SMYD3: variants seen among roughly 807,000 people sequenced by gnomAD.
SMYD3 encodes histone-lysine N-methyltransferase SMYD3.
SMYD3 carries 36 observed loss-of-function variants against 57.7 expected under a neutral mutation model. That is an observed-to-expected ratio of 0.62 (90% CI 0.48 to 0.82). The LOEUF (loss-of-function observed/expected upper bound fraction) is 0.82. SMYD3 is among the 40% of genes least tolerant of loss of function. The pLI, the probability that SMYD3 is intolerant of heterozygous loss-of-function variation, is 0.00. For missense variants in SMYD3, 515 were observed against 538.8 expected, an observed-to-expected ratio of 0.96 and a Z score of 0.44; for synonymous variants, 211 against 195.0, an observed-to-expected ratio of 1.08 and a Z score of -0.68.
At chr1:246,233,760 C>G (rs1307896560) in intron 5 of SMYD3, among the ~76,000 whole-genome samples, 1 of 115,346 alleles carries the variant, frequency 8.7e-6, no homozygotes. Flanking sequence ...TGAACATATA[C>G]CACGCAGAGG....
At chr1:246,368,106 A>C (rs1201850629) in intron 1 of SMYD3, among the ~76,000 whole-genome samples, 1 of 152,240 alleles carries the variant, frequency 6.6e-6, no homozygotes, top group African/African-American at 2.4e-5. Context: ...AAATGTAAAA[A>C]GAAAATAAAA....
chr1:246,291,604 A>C (rs1221354346), intron 5 of SMYD3, among the ~76,000 whole-genome samples: 1 of 152,236 alleles, frequency 6.6e-6, no homozygotes, highest in Admixed American at 6.5e-5. Flanking sequence ...TAGCAATGAC[A>C]AGAAAAACCA....
At chr1:245,831,898 T>C (rs945146549) in intron 10 of SMYD3, among the ~76,000 whole-genome samples, 2 of 152,196 alleles carry the variant, frequency 1.3e-5, no homozygotes, top group Non-Finnish European at 2.9e-5. Flanking sequence ...CGTTTTGAAT[T>C]GGAAACTTTG....
At chr1:246,161,288 G>T (rs2062115351) in intron 5 of SMYD3, among the ~76,000 whole-genome samples, 1 of 152,154 alleles carries the variant, frequency 6.6e-6, no homozygotes, top group African/African-American at 2.4e-5. Context: ...ACAGCTTTCA[G>T]CGTGCACTTC....
At chr1:245,847,711 GA>G (rs35280237) in intron 10 of SMYD3, among the ~76,000 whole-genome samples, 62,013 of 151,948 alleles carry the variant, frequency 0.41, 13,238 homozygotes, top group East Asian at 0.8. Flanking sequence ...GATTCCCTAG[GA>G]ATTTGGTATC....
At chr1:246,404,859 C>T (rs1390557250) in intron 1 of SMYD3, among the ~76,000 whole-genome samples, 1 of 152,188 alleles carries the variant, frequency 6.6e-6, no homozygotes, top group East Asian at 1.9e-4. Context: ...TCTTTCATTA[C>T]AGAAAGTGCT....
At chr1:246,103,115 T>C (rs1050910863) in intron 5 of SMYD3, among the ~76,000 whole-genome samples, 2 of 152,156 alleles carry the variant, frequency 1.3e-5, no homozygotes, top group African/African-American at 2.4e-5. Flanking sequence ...AGGTAAGCTG[T>C]CAATAAATAT....
At position 246,203,725 on chromosome 1, in the gene SMYD3, ATGAATTTGC is replaced by A. The variant is rs2062954189; in HGVS notation, c.531+123467_531+123475del. On this transcript the variant is annotated intron_variant, in intron 5 of 11. Coordinates refer to ENST00000490107, the MANE Select transcript of SMYD3 (RefSeq NM_001167740.2). The surrounding 1 kb of genome is among the most constrained non-coding windows in gnomAD (Gnocchi z 4.6). ...GTACCGGTGGTTAGAACATCAACAT[ATGAATTTGC>A]GGGGACACAGTTCAGCCCAGAACAC... Among the ~76,000 whole-genome samples the A allele has an allele frequency of 6.6e-6, 1 of 152,164 alleles. No homozygotes were observed. The highest frequency in any genetic ancestry group is 1.5e-5 in the Non-Finnish European group (1 of 68,028).
intron 2 of SMYD3, 79 bp downstream of exon 2, chr1:246,354,952 G>T: frequency 7.7e-7 from 1 of 1,298,454 alleles, no homozygotes; most frequent in Non-Finnish European, 1.1e-6. Flanking sequence ...AGTAGACACA[G>T]GCCAACAGGT....
intron 5 of SMYD3, among the ~76,000 whole-genome samples, chr1:246,056,224 A>T (rs1185697313): frequency 6.6e-6 from 1 of 152,162 alleles, no homozygotes; most frequent in Non-Finnish European, 1.5e-5. Context: ...AGACACTAGC[A>T]AATTAGCAAG....
At chr1:246,049,487 A>G (rs1221951781) in intron 5 of SMYD3, among the ~76,000 whole-genome samples, 1 of 146,410 alleles carries the variant, frequency 6.8e-6, no homozygotes, top group Non-Finnish European at 1.5e-5. Flanking sequence ...TTGTATTTTT[A>G]GTAGAGACGG....
intron 5 of SMYD3, among the ~76,000 whole-genome samples, chr1:246,218,586 A>G (rs1040546077): frequency 3.3e-5 from 5 of 150,500 alleles, no homozygotes; most frequent in Non-Finnish European, 7.4e-5. Context: ...GCGCCACTGC[A>G]CTCCAGCCTG....
chr1:245,777,044 AC>A (rs1380219250), intron 10 of SMYD3, among the ~76,000 whole-genome samples: 1 of 152,224 alleles, frequency 6.6e-6, no homozygotes, highest in African/African-American at 2.4e-5. Flanking sequence ...CAAAGGAGTT[AC>A]TAAAAATAAG....
intron 1 of SMYD3, among the ~76,000 whole-genome samples, chr1:246,366,387 G>A (rs1238316436): frequency 1.3e-5 from 2 of 152,110 alleles, no homozygotes; most frequent in Non-Finnish European, 2.9e-5. Context: ...AAAGTGATGT[G>A]TGCTTGATTA....
At chr1:246,348,474 A>G (rs183112605) in intron 2 of SMYD3, among the ~76,000 whole-genome samples, 1 of 152,256 alleles carries the variant, frequency 6.6e-6, no homozygotes, top group Admixed American at 6.5e-5. Flanking sequence ...GCTGGAGGCC[A>G]TTATCCTAAG....
chr1:246,307,569 G>T (rs538701046), intron 5 of SMYD3, among the ~76,000 whole-genome samples: 1 of 151,432 alleles, frequency 6.6e-6, no homozygotes. Context: ...ACAGGCGCCC[G>T]CCACCACGCC....
intron 5 of SMYD3, among the ~76,000 whole-genome samples, chr1:246,234,367 G>A (rs190204176): frequency 7.5e-6 from 1 of 134,222 alleles, no homozygotes; most frequent in East Asian, 2.3e-4. Context: ...CACTCCTTCA[G>A]TTCATACTGT....
At chr1:246,078,574 G>T (rs1198108847) in intron 5 of SMYD3, among the ~76,000 whole-genome samples, 2 of 152,148 alleles carry the variant, frequency 1.3e-5, no homozygotes, top group Non-Finnish European at 2.9e-5. Flanking sequence ...GACTTTATTA[G>T]GAGGCAATGG....
chr1:245,810,855 C>T (rs1558369663), intron 10 of SMYD3, among the ~76,000 whole-genome samples: 3 of 152,262 alleles, frequency 2.0e-5, no homozygotes, highest in East Asian at 1.9e-4. Context: ...GCCACGTGGC[C>T]GAGCAGACGG....
Sources: allele counts gnomAD v4.1 joint callset (sites outside exome capture counted in the v4.1 genomes callset), GRCh38; gene constraint gnomAD v4.1.1; non-coding constraint Gnocchi (gnomAD v3.1); transcripts MANE v1.5; gene names NCBI Gene and HGNC (gene_info 2026-07-23, HGNC 2026-07-21).